The following CFAP52 variants were observed in gnomAD, a reference collection of about 807,000 sequenced individuals.
CFAP52 encodes the protein cilia and flagella associated protein 52, also known as cilia- and flagella-associated protein 52.
Under a neutral mutation model 70.5 loss-of-function variants are expected in CFAP52, and 57 were observed. The observed-to-expected ratio is 0.81, with a 90% CI of 0.65 to 1.01. CFAP52 has a LOEUF of 1.01. Ranked by LOEUF, CFAP52 falls within the 50% of genes least tolerant of loss-of-function variation. The pLI, the probability that CFAP52 is intolerant of heterozygous loss-of-function variation, is 0.00. For synonymous variants in CFAP52, 267 were observed against 292.5 expected (o/e 0.91, Z 0.89); for missense variants, 785 against 788.5 (o/e 1.00, Z 0.05).
At chr17:9,626,853 T>C (rs1910255224) in intron 8 of CFAP52, among the ~76,000 whole-genome samples, 1 of 152,202 alleles carries the variant, frequency 6.6e-6, no homozygotes, top group African/African-American at 2.4e-5. Context: ...ACTTATTTTT[T>C]GTTTTAATTC....
chr17:9,598,602 A>C, intron 5 of CFAP52: 1 of 218,434 alleles, frequency 4.6e-6, no homozygotes, highest in Non-Finnish European at 9.0e-6. Context: ...TCTCTACTAA[A>C]AATACACAAG....
intron 4 of CFAP52, among the ~76,000 whole-genome samples, chr17:9,596,143 A>G (rs1437778959): frequency 1.0e-4 from 15 of 146,484 alleles, no homozygotes; most frequent in Non-Finnish European, 1.3e-4. Flanking sequence ...ACTGTTGCCC[A>G]GGCTGGAGTG....
At chr17:9,615,795 CT>C (rs1190663709) in intron 8 of CFAP52, among the ~76,000 whole-genome samples, 10 of 67,422 alleles carry the variant, frequency 1.5e-4, no homozygotes, top group East Asian at 5.0e-4. Flanking sequence ...AAAAAAAATT[CT>C]TTTTTTTTTT....
chr17:9,639,451 C>T (rs1910961585), intron 12 of CFAP52, among the ~76,000 whole-genome samples: 1 of 151,560 alleles, frequency 6.6e-6, no homozygotes, highest in African/African-American at 2.4e-5. Context: ...AAAAATTCTA[C>T]ATATGGTACA....
intron 9 of CFAP52, among the ~76,000 whole-genome samples, chr17:9,632,286 G>C (rs1910581180): frequency 6.6e-6 from 1 of 151,190 alleles, no homozygotes; most frequent in South Asian, 2.1e-4. Flanking sequence ...GTAGAGACTG[G>C]GTCTTGCCAT....
At chr17:9,576,827 C>T (rs1907969139) in intron 1 of CFAP52, 62 bp downstream of exon 1, 1 of 1,554,372 alleles carries the variant, frequency 6.4e-7, no homozygotes, top group African/African-American at 1.4e-5. Context: ...GTAGTGCAAA[C>T]AGGAATAGTG....
chr17:9,598,867 C>G (rs764174400), intron 5 of CFAP52, among the ~76,000 whole-genome samples: 11 of 151,966 alleles, frequency 7.2e-5, no homozygotes, highest in Non-Finnish European at 1.3e-4. Context: ...TTGCTGGAAT[C>G]TAGGCTGTCA....
Position 9,608,236 on chromosome 17 carries a change from A to C in CFAP52, c.854+17A>C. Reference sequence around the variant, plus strand: ...ACCCATCAAGTAAGTTCCGGGTCTCACACAGTGGGGCTGGGTAGAGACCCA... The same window carrying C: ...ACCCATCAAGTAAGTTCCGGGTCTCCCACAGTGGGGCTGGGTAGAGACCCA... On this transcript the variant is annotated intron_variant, in intron 7 of 13. Coordinates refer to ENST00000352665, the MANE Select transcript of CFAP52 (RefSeq NM_145054.5). The C allele has an allele frequency of 2.5e-6, 4 of 1,595,476 alleles. No homozygotes were observed. Among genetic ancestry groups the C allele is most frequent in the African/African-American group, 1.3e-5 (1 of 74,764 alleles).
At chr17:9,582,246 T>G (rs1908259837) in intron 1 of CFAP52, among the ~76,000 whole-genome samples, 1 of 152,194 alleles carries the variant, frequency 6.6e-6, no homozygotes, top group African/African-American at 2.4e-5. Context: ...TCCAAAACGA[T>G]TAGACCGATT....
intron 11 of CFAP52, among the ~76,000 whole-genome samples, chr17:9,636,901 T>C (rs150541280): frequency 0.016 from 2,412 of 152,102 alleles, 77 homozygotes; most frequent in African/African-American, 0.055. Flanking sequence ...AAAAAGTAGC[T>C]GGGCGTGGTG....
intron 3 of CFAP52, 80 bp from the exon 4 acceptor site, chr17:9,594,113 A>G (rs1445176717): frequency 6.7e-7 from 1 of 1,482,322 alleles, no homozygotes. Flanking sequence ...TCTTTCTAGA[A>G]CCACTAAGAT....
chr17:9,613,605 C>T (rs925659074), intron 8 of CFAP52, among the ~76,000 whole-genome samples: 3 of 152,038 alleles, frequency 2.0e-5, no homozygotes, highest in Non-Finnish European at 4.4e-5. Context: ...GCAACCTCTG[C>T]CTCCTCGATT....
At chr17:9,631,096 G>GAAAGAAAGAAAGAAAGAA (rs60601081) in intron 9 of CFAP52, among the ~76,000 whole-genome samples, 1 of 146,482 alleles carries the variant, frequency 6.8e-6, no homozygotes. Context: ...AAGAAAGAAA[G>GAAAGAAAGAAAGAAAGAA]AGAAAGAAAG....
Position 9,643,084 on chromosome 17 carries a change from G to A in CFAP52, c.1749G>A (p.Gly583=). The A allele has an allele frequency of 6.2e-6, 10 of 1,612,844 alleles. No individual in the cohort carries two copies. Among genetic ancestry groups the A allele is most frequent in the Non-Finnish European group, 8.5e-6 (10 of 1,179,518 alleles). ...ATGAGGGTGAAGTGACTCACGTTGG[G>A]GTGGGACACAGTGGCAACATCACAC... ...DYNEGEVTHV[G]VGHSGNITRI... Residue 583 remains glycine (G), a synonymous_variant, in exon 14 of 14, where the codon GGG becomes GGA. Coordinates refer to ENST00000352665, the MANE Select transcript of CFAP52 (RefSeq NM_145054.5).
intron 8 of CFAP52, among the ~76,000 whole-genome samples, chr17:9,626,528 C>T (rs762284410): frequency 2.6e-5 from 4 of 152,170 alleles, no homozygotes; most frequent in Non-Finnish European, 5.9e-5. Flanking sequence ...CTGCTCCTGA[C>T]CTGGAAAGTT....
Position 9,632,984 on chromosome 17 carries a change from C to G in CFAP52, c.1271C>G (p.Ala424Gly). 3.7e-6 allele frequency: 6 copies of G among 1,614,166 alleles called. No individual in the cohort carries two copies. In the South Asian group the frequency reaches 6.6e-5, roughly 18 times the overall value. Residue 424 changes from alanine (A) to glycine (G), a missense_variant, in exon 10 of 14, where the codon GCC becomes GGC. Ala to Gly is a moderately conservative substitution (Grantham distance 60). Coordinates refer to ENST00000352665, the MANE Select transcript of CFAP52 (RefSeq NM_145054.5). ...CACAGGATCGGCGTCACCGCCATCG[C>G]CACCACCAGTGACTGTAAAAGGGTC... ...NAHRIGVTAIATTSDCKRVIS... is the reference protein window; with the variant it reads ...NAHRIGVTAIGTTSDCKRVIS...
intron 6 of CFAP52, among the ~76,000 whole-genome samples, chr17:9,602,729 C>T (rs1441852695): frequency 6.6e-6 from 1 of 152,236 alleles, no homozygotes; most frequent in Non-Finnish European, 1.5e-5. Flanking sequence ...TACACTCCCA[C>T]CAACAGTGTA....
chr17:9,624,123 G>T (rs917990509), intron 8 of CFAP52, among the ~76,000 whole-genome samples: 2 of 151,432 alleles, frequency 1.3e-5, no homozygotes, highest in African/African-American at 4.9e-5. Context: ...CTTTGCTTTT[G>T]TCTTTCATCA....
chr17:9,638,237 G>A (rs1481345706), intron 11 of CFAP52, among the ~76,000 whole-genome samples: 1 of 152,128 alleles, frequency 6.6e-6, no homozygotes, highest in Non-Finnish European at 1.5e-5. Flanking sequence ...CTTCCAAATG[G>A]TGGCCTCAGG....
Sources: allele counts gnomAD v4.1 joint callset (sites outside exome capture counted in the v4.1 genomes callset), GRCh38; gene constraint gnomAD v4.1.1; transcripts MANE v1.5; gene names NCBI Gene and HGNC (gene_info 2026-07-23, HGNC 2026-07-21).